Variants in RELN observed in about 807,000 individuals in gnomAD.
RELN encodes reelin.
RELN carries 108 observed loss-of-function variants against 427.6 expected under a neutral mutation model. The ratio of observed to expected loss-of-function variants is 0.25; its 90% CI spans 0.22 to 0.30. The LOEUF is 0.30. Ranked by LOEUF, RELN falls within the 10% of genes least tolerant of loss-of-function variation. The pLI, the probability that RELN is intolerant of heterozygous loss-of-function variation, is 1.00. For synonymous variants in RELN, 1,524 were observed against 1,513.4 expected (o/e 1.01, Z -0.16); for missense variants, 3,715 against 4,302.8 (o/e 0.86, Z 3.82).
At chr7:103,646,678 G>C (rs1285295038) in intron 16 of RELN, among the ~76,000 whole-genome samples, 1 of 151,902 alleles carries the variant, frequency 6.6e-6, no homozygotes, top group Non-Finnish European at 1.5e-5. Context: ...ATTCACAGCT[G>C]AATTCTGCAA....
intron 4 of RELN, among the ~76,000 whole-genome samples, chr7:103,763,910 T>G (rs559127923): frequency 6.6e-6 from 1 of 152,056 alleles, no homozygotes; most frequent in African/African-American, 2.4e-5. Context: ...AAAATGGCAG[T>G]GGGCATGGAA....
At chr7:103,982,759 C>T (rs955731192) in intron 1 of RELN, among the ~76,000 whole-genome samples, 4 of 152,154 alleles carry the variant, frequency 2.6e-5, no homozygotes, top group Admixed American at 6.5e-5. Flanking sequence ...GGTTTGTGGG[C>T]ACCAGTGGAC....
At position 103,989,548 on chromosome 7, in the gene RELN, T is replaced by C. The variant is rs1261035888; in HGVS notation, c.-192A>G. The C allele has an allele frequency of 1.1e-5, 5 of 455,000 alleles. No individual in the cohort carries two copies. Among genetic ancestry groups the C allele is most frequent in the Middle Eastern group, 1.2e-3 (2 of 1,652 alleles). 28.2% of individuals were successfully genotyped at this position (455,000 alleles called of 1,614,324 possible). ...CGCGGGAGACGGCGGCTCCCAAAGT[T>C]ACTTTGGGCCGCGGGAGCGCGGGAC... is the stretch of plus-strand genomic sequence containing the variant. On this transcript the variant is annotated 5_prime_UTR_variant, in exon 1 of 65. Transcript: ENST00000428762. This position sits in a 1 kb window ranked among gnomAD's most constrained non-coding sequence, Gnocchi z 4.9.
intron 3 of RELN, among the ~76,000 whole-genome samples, chr7:103,790,876 C>T (rs934056621): frequency 3.9e-5 from 6 of 151,976 alleles, no homozygotes; most frequent in Non-Finnish European, 7.4e-5. Context: ...GCAGAAGAAT[C>T]GCTTGAATCT....
At chr7:103,742,220 G>A (rs1262350738) in intron 6 of RELN, among the ~76,000 whole-genome samples, 1 of 152,086 alleles carries the variant, frequency 6.6e-6, no homozygotes, top group Non-Finnish European at 1.5e-5. Context: ...CTGTTAGAAG[G>A]AAAACTAACA....
At chr7:103,631,302 T>TTTTTC (rs1315800044) in intron 19 of RELN, among the ~76,000 whole-genome samples, 4 of 137,596 alleles carry the variant, frequency 2.9e-5, no homozygotes, top group African/African-American at 8.1e-5. Context: ...TTTTTTTTTT[T>TTTTTC]TTTTTTTTTG....
chr7:103,893,247 A>G (rs1277121109), intron 2 of RELN, among the ~76,000 whole-genome samples: 1 of 152,074 alleles, frequency 6.6e-6, no homozygotes, highest in Admixed American at 6.5e-5. Flanking sequence ...CTCAGGTGGG[A>G]CTCATGAAGT....
intron 45 of RELN, 143 bp from the exon 46 acceptor site, chr7:103,535,627 A>G: frequency 1.4e-6 from 1 of 740,420 alleles, no homozygotes; most frequent in Non-Finnish European, 2.2e-6. Flanking sequence ...CTGCTTTGAA[A>G]TGCTTCCTAG....
intron 21 of RELN, among the ~76,000 whole-genome samples, chr7:103,611,371 T>C (rs1343421588): frequency 6.6e-6 from 1 of 152,202 alleles, no homozygotes; most frequent in Non-Finnish European, 1.5e-5. Flanking sequence ...GGTAGCCAGT[T>C]TTGGAAGTTA....
At chr7:103,877,857 C>T (rs933340671) in intron 2 of RELN, among the ~76,000 whole-genome samples, 1 of 106,804 alleles carries the variant, frequency 9.4e-6, no homozygotes, top group Non-Finnish European at 1.9e-5. Context: ...TCTCTCCCTG[C>T]CTTTTTTTTT....
chr7:103,669,470 A>G (rs952539417), intron 11 of RELN, among the ~76,000 whole-genome samples: 2 of 152,164 alleles, frequency 1.3e-5, no homozygotes, highest in Non-Finnish European at 2.9e-5. Context: ...AGCTCTATCA[A>G]CTACTGGGGG....
At chr7:103,969,876 G>A (rs977101867) in intron 1 of RELN, among the ~76,000 whole-genome samples, 12 of 152,104 alleles carry the variant, frequency 7.9e-5, no homozygotes, top group African/African-American at 1.7e-4. Flanking sequence ...GGGACTTAAC[G>A]AAGTTGAGTA....
chr7:103,773,929 T>A (rs1791671512), intron 4 of RELN, among the ~76,000 whole-genome samples: 1 of 152,162 alleles, frequency 6.6e-6, no homozygotes, highest in African/African-American at 2.4e-5. Flanking sequence ...TGGGTCCTTT[T>A]CACTTTCATA....
At chr7:103,731,238 T>C (rs995962732) in intron 6 of RELN, among the ~76,000 whole-genome samples, 1 of 152,040 alleles carries the variant, frequency 6.6e-6, no homozygotes, top group African/African-American at 2.4e-5. Flanking sequence ...CAGGAGTTAC[T>C]CAAGCAAGGA....
intron 38 of RELN, among the ~76,000 whole-genome samples, chr7:103,555,053 G>T (rs559919556): frequency 1.1e-4 from 17 of 152,148 alleles, no homozygotes; most frequent in African/African-American, 4.1e-4. Flanking sequence ...ATGTTGATCT[G>T]GAGATACTGT....
At chr7:103,693,471 C>A (rs1378383184) in intron 10 of RELN, among the ~76,000 whole-genome samples, 2 of 151,208 alleles carry the variant, frequency 1.3e-5, no homozygotes, top group Non-Finnish European at 2.9e-5. Flanking sequence ...ATGTAACAAA[C>A]CTGCATGTTC....
At chr7:103,856,906 T>C (rs1466862289) in intron 2 of RELN, among the ~76,000 whole-genome samples, 1 of 147,812 alleles carries the variant, frequency 6.8e-6, no homozygotes, top group Admixed American at 6.8e-5. Flanking sequence ...TCACCCATAC[T>C]TTAAAATATA....
At chr7:103,472,949 A>G (rs1562834282) in intron 64 of RELN, 41 bp from the exon 65 acceptor site, 1 of 1,465,874 alleles carries the variant, frequency 6.8e-7, no homozygotes, top group Non-Finnish European at 9.6e-7. Context: ...AAGGAAAGGA[A>G]AAAGAGCATG....
chr7:103,543,578 G>A (rs770454078), intron 42 of RELN, among the ~76,000 whole-genome samples: 15 of 152,206 alleles, frequency 9.9e-5, no homozygotes, highest in Non-Finnish European at 1.8e-4. Flanking sequence ...CCCGGGAGGC[G>A]GAGGTGGCAG....
Sources: gnomAD v4.1 joint callset for allele counts (sites outside exome capture counted in the v4.1 genomes callset) on GRCh38, gnomAD v4.1.1 for gene constraint, Gnocchi (gnomAD v3.1) non-coding constraint, MANE v1.5 for transcripts, NCBI Gene and HGNC (gene_info 2026-07-23, HGNC 2026-07-21) for gene names.